The following CHRNA6 variants were observed in gnomAD, a reference collection of about 807,000 sequenced individuals.
CHRNA6 encodes cholinergic receptor nicotinic alpha 6 subunit.
Under a neutral mutation model 40.9 loss-of-function variants are expected in CHRNA6, and 31 were observed. That is an observed-to-expected ratio of 0.76 (90% confidence interval 0.57 to 1.02). The LOEUF (loss-of-function observed/expected upper bound fraction) is 1.02. CHRNA6 is among the 50% of genes least tolerant of loss of function. The pLI is 0.00. For missense variants in CHRNA6, 546 were observed against 596.6 expected (o/e 0.92, Z 0.88); for synonymous variants, 222 against 221.3 (o/e 1.00, Z -0.03).
At chr8:42,764,178 G>C (rs932979843) in intron 2 of CHRNA6, among the ~76,000 whole-genome samples, 3 of 152,142 alleles carry the variant, frequency 2.0e-5, no homozygotes, top group East Asian at 1.9e-4. Flanking sequence ...CCTGCAATGG[G>C]GGGGCGCAAA....
chr8:42,757,865 C>G (rs1357570239), intron 3 of CHRNA6, among the ~76,000 whole-genome samples: 1 of 150,608 alleles, frequency 6.6e-6, no homozygotes, highest in Admixed American at 6.6e-5. Flanking sequence ...AACCCCGTCT[C>G]TACTAAAAAT....
At position 42,757,541 on chromosome 8, in the gene CHRNA6, G is replaced by T. The variant is rs981700827; in HGVS notation, c.265-504C>A. On this transcript the variant is annotated intron_variant, in intron 3 of 5. Coordinates refer to ENST00000276410, the MANE Select transcript of CHRNA6 (RefSeq NM_004198.3). ...AGATTGAGACCATCCTGGCTAACAC[G>T]GTGAAACCCCATTTTTACTAAAAAT... 6.1e-5 allele frequency among the ~76,000 whole-genome samples: 9 copies of T among 146,426 alleles called. No individual in the cohort carries two copies. In the Admixed American group the frequency reaches 6.2e-4, roughly 10 times the overall value.
At chr8:42,755,824 G>A in intron 5 of CHRNA6, 22 bp downstream of exon 5, 1 of 1,599,968 alleles carries the variant, frequency 6.3e-7, no homozygotes, top group Non-Finnish European at 8.5e-7. Context: ...AAGCTGGCTG[G>A]GTGGAGGGAA....
At chr8:42,767,685 A>G (rs1042341899) in intron 1 of CHRNA6, among the ~76,000 whole-genome samples, 2 of 152,240 alleles carry the variant, frequency 1.3e-5, no homozygotes, top group Non-Finnish European at 2.9e-5. Flanking sequence ...TGCCATCATA[A>G]TTAATCATGA....
At chr8:42,754,716 A>G (rs1403937713) in intron 5 of CHRNA6, among the ~76,000 whole-genome samples, 2 of 152,094 alleles carry the variant, frequency 1.3e-5, no homozygotes, top group Non-Finnish European at 1.5e-5. Flanking sequence ...TCCGCTAGTC[A>G]CCCACATGGT....
chr8:42,763,572 G>A (rs1200518590), intron 2 of CHRNA6, among the ~76,000 whole-genome samples: 1 of 152,150 alleles, frequency 6.6e-6, no homozygotes, highest in African/African-American at 2.4e-5. Flanking sequence ...AGCCCTCACA[G>A]ACTTCAGAGG....
chr8:42,760,227 ACT>A (rs1386397942), intron 2 of CHRNA6, among the ~76,000 whole-genome samples: 1 of 151,816 alleles, frequency 6.6e-6, no homozygotes, highest in Non-Finnish European at 1.5e-5. Context: ...ACACACGCAC[ACT>A]CATACACACG....
At chr8:42,758,991 T>A (rs55984829) in intron 3 of CHRNA6, 78 bp downstream of exon 3, 1 of 1,080,112 alleles carries the variant, frequency 9.3e-7, no homozygotes, top group Admixed American at 1.7e-5. Context: ...CTATAACCAG[T>A]TGGAGATGGA....
chr8:42,753,211 G>A lies in CHRNA6; in HGVS notation c.1453C>T (p.Gln485Ter), dbSNP rs150660043. Residue 485 changes from glutamine to a stop codon, truncating the protein, a stop_gained, in exon 6 of 6, where the codon CAG (glutamine) becomes TAG (stop). Transcript: ENST00000276410. LOFTEE classifies it high-confidence loss of function. ...TTTCCTGTGTTCCCAAGTAGTGGCT[G>A]TAGAAATAGCCCTGCAGTTCCAAAT... ...CVFGTAGLFL[Q>*]PLLGNTGKS The A allele has an allele frequency of 1.2e-6, 2 of 1,608,968 alleles. No individual in the cohort carries two copies. Among genetic ancestry groups the A allele is most frequent in the African/African-American group, 1.3e-5 (1 of 74,650 alleles).
At chr8:42,766,003 A>G (rs1041422751) in intron 1 of CHRNA6, among the ~76,000 whole-genome samples, 4 of 152,198 alleles carry the variant, frequency 2.6e-5, no homozygotes, top group African/African-American at 9.6e-5. Flanking sequence ...GTGGGAGATG[A>G]TGTGGGGATT....
Position 42,753,056 on chromosome 8 carries a change from G to C in CHRNA6, c.*123C>G, listed in dbSNP as rs2304297. On this transcript the variant is annotated 3_prime_UTR_variant, in exon 6 of 6. Coordinates refer to ENST00000276410, the MANE Select transcript of CHRNA6 (RefSeq NM_004198.3). ...GTGCAAGAAAGTCCTCTTTTTCCAT[G>C]TAGCCATCAGTTTTAGCAGATGGGG... is the stretch of plus-strand genomic sequence containing the variant. 0.28 allele frequency: 229,458 copies of C among 828,322 alleles called. 40,149 individuals are homozygous for C. The highest frequency in any genetic ancestry group is 0.77 in the African/African-American group (44,844 of 58,220). 51.3% of individuals were successfully genotyped at this position (828,322 alleles called of 1,614,324 possible).
intron 2 of CHRNA6, among the ~76,000 whole-genome samples, chr8:42,763,514 G>A (rs2128912424): frequency 6.6e-6 from 1 of 152,290 alleles, no homozygotes; most frequent in African/African-American, 2.4e-5. Context: ...ATAACCTCCT[G>A]CAAAGGTGTG....
intron 1 of CHRNA6, among the ~76,000 whole-genome samples, chr8:42,766,761 T>C (rs1300618407): frequency 1.3e-5 from 2 of 152,098 alleles, no homozygotes; most frequent in Non-Finnish European, 2.9e-5. Flanking sequence ...AAGAAGAGCA[T>C]TGGGAAAAAT....
At chr8:42,765,242 C>CGGCCACT in intron 1 of CHRNA6, 38 bp from the exon 2 acceptor site, 1 of 1,605,914 alleles carries the variant, frequency 6.2e-7, no homozygotes, top group Non-Finnish European at 8.5e-7. Context: ...AGAGCCAGCC[C>CGGCCACT]GGCCACTGGC....
chr8:42,753,467 A>G (rs1365619102), intron 5 of CHRNA6, among the ~76,000 whole-genome samples, 157 bp from the exon 6 acceptor site: 2 of 152,156 alleles, frequency 1.3e-5, no homozygotes, highest in Non-Finnish European at 2.9e-5. Context: ...TGAGGTCTGG[A>G]GTTCAAGACC....
chr8:42,760,553 G>T (rs1816889397), intron 2 of CHRNA6, among the ~76,000 whole-genome samples: 1 of 149,226 alleles, frequency 6.7e-6, no homozygotes, highest in African/African-American at 2.5e-5. Flanking sequence ...CTCACACTCA[G>T]GCACACTCAC....
chr8:42,765,099 T>A lies in CHRNA6; in HGVS notation c.185A>T (p.His62Leu). 6.2e-7 allele frequency: 1 copy of A among 1,614,176 alleles called. No individual in the cohort carries two copies. Among genetic ancestry groups the A allele is most frequent in the East Asian group, 2.2e-5 (1 of 44,890 alleles). ...VENVSDPVTV[H>L]FEVAITQLAN... is the part of the protein sequence containing the mutation. ...CAGCTGGGTGATGGCCACTTCAAAG[T>A]GTACCGTGACAGGGTCGGAAACGTT... Residue 62 changes from histidine (H) to leucine (L), a missense_variant, in exon 2 of 6, where the codon CAC (histidine) becomes CTC (leucine). Physicochemically the swap from His to Leu is moderately conservative, Grantham distance 99. This residue lies in a region of CHRNA6 where 476 missense variants were observed against 494.5 expected (regional missense o/e 0.96). Coordinates refer to ENST00000276410, the MANE Select transcript of CHRNA6 (RefSeq NM_004198.3).
Position 42,765,157 on chromosome 8 carries a change from A to G in CHRNA6, c.127T>C (p.Ser43Pro), listed in dbSNP as rs140930963. The change falls in exon 2 of 6, where the codon TCT becomes CCT. Residue 43 changes from serine to proline, a missense_variant. Physicochemically the swap from Ser to Pro is moderately conservative, Grantham distance 74. Coordinates refer to ENST00000276410, the MANE Select transcript of CHRNA6 (RefSeq NM_004198.3). ...GGCCTGATGAACTGGTTGTAATGAG[A>G]AAACAGTTTGTGGAAGAGCCTCTCC... ...TEERLFHKLF[S>P]HYNQFIRPVE... 7.5e-4 allele frequency: 1,210 copies of G among 1,614,070 alleles called. 7 individuals carry two copies. The African/African-American group carries it at 0.014, about 19-fold the overall frequency.
intron 2 of CHRNA6, 163 bp from the exon 3 acceptor site, chr8:42,759,276 C>G (rs1004906952): frequency 6.6e-6 from 4 of 607,822 alleles, no homozygotes; most frequent in African/African-American, 5.6e-5. Flanking sequence ...AGCAGAAATG[C>G]CGCATTTTCA....
Sources: gnomAD v4.1 joint callset for allele counts (sites outside exome capture counted in the v4.1 genomes callset) on GRCh38, gnomAD v4.1.1 for gene constraint, gnomAD v4.1.1 regional missense constraint, MANE v1.5 for transcripts, NCBI Gene and HGNC (gene_info 2026-07-23, HGNC 2026-07-21) for gene names.